Variants in FAM234A observed in about 807,000 individuals in gnomAD.
FAM234A encodes protein FAM234A.
Under a neutral mutation model 49.1 loss-of-function variants are expected in FAM234A, and 42 were observed. That is an observed-to-expected ratio of 0.86 (90% CI 0.67 to 1.11). The LOEUF is 1.11. FAM234A is among the 50% of genes least tolerant of loss of function. FAM234A has a pLI of 0.00. For synonymous variants in FAM234A, 369 were observed against 316.2 expected (o/e 1.17, Z -1.77); for missense variants, 815 against 745.2 (o/e 1.09, Z -1.09).
At chr16:266,962 C>T (rs898681694), downstream of FAM234A, among the ~76,000 whole-genome samples, 8 of 152,078 alleles carry the variant, frequency 5.3e-5, no homozygotes, top group South Asian at 8.3e-4. Context: ...GTGCCCCTGG[C>T]CATGGAGGGG....
In FAM234A at chr16:265,237, C is replaced by T. The variant is rs2141380332; in HGVS notation, c.*215C>T. 5 of 1,381,192 alleles carry T rather than the reference C, an allele frequency of 3.6e-6. No homozygotes were observed. Among genetic ancestry groups the T allele is most frequent in the Middle Eastern group, 2.7e-4 (1 of 3,750 alleles). 85.6% of individuals were successfully genotyped at this position (1,381,192 alleles called of 1,614,324 possible). A position where few individuals can be genotyped will look rare whatever the true frequency, so the allele number is the denominator to read the frequency against. Reference sequence around the variant, plus strand: ...CCTGGGCCTCTCTCCCGCCCAGCATCCTCCCTGAGTCCCCACACAGGGCCT... The same window carrying T: ...CCTGGGCCTCTCTCCCGCCCAGCATTCTCCCTGAGTCCCCACACAGGGCCT... On this transcript the variant is annotated 3_prime_UTR_variant, in exon 13 of 13. Transcript: ENST00000399932.
chr16:259,930 GATGGTGCAACAGTGAGGTGCCGGT>G lies in FAM234A; in HGVS notation c.386-38_386-15del. The G allele has an allele frequency of 3.2e-6, 5 of 1,585,038 alleles. No individual in the cohort carries two copies. The highest frequency in any genetic ancestry group is 4.3e-6 in the Non-Finnish European group (5 of 1,159,720). ...TGGGGCTGGCCGGCCTGCCTGCCCA[GATGGTGCAACAGTGAGGTGCCGGT>G]GTCTCTCCCTACAGGCTTTTCCTCT... On this transcript the variant is annotated splice_polypyrimidine_tract_variant and intron_variant, in intron 4 of 12. Transcript: ENST00000399932.
chr16:260,270 G>T, intron 5 of FAM234A, 110 bp downstream of exon 5: 3 of 1,048,804 alleles, frequency 2.9e-6, no homozygotes, highest in East Asian at 2.4e-5. Flanking sequence ...GTGATCTTGA[G>T]GGTGGCTGGA....
downstream of FAM234A, among the ~76,000 whole-genome samples, chr16:267,451 T>C (rs563985939): frequency 1.3e-3 from 194 of 151,966 alleles, 1 homozygote; most frequent in African/African-American, 4.5e-3. Context: ...GCACAATACA[T>C]TCACACATAT....
intron 3 of FAM234A, among the ~76,000 whole-genome samples, chr16:257,712 G>T (rs951617628): frequency 6.6e-6 from 1 of 152,118 alleles, no homozygotes; most frequent in East Asian, 1.9e-4. Context: ...CATGCTGGGC[G>T]CAGTGGCTCA....
downstream of FAM234A, among the ~76,000 whole-genome samples, chr16:266,985 T>C (rs2051710861): frequency 1.3e-5 from 2 of 152,040 alleles, no homozygotes; most frequent in Non-Finnish European, 2.9e-5. Flanking sequence ...GGCAGGGCCA[T>C]GAGCCCCACC....
At chr16:239,835 G>A (rs1385882041) in intron 1 of FAM234A, among the ~76,000 whole-genome samples, 1 of 152,172 alleles carries the variant, frequency 6.6e-6, no homozygotes, top group Non-Finnish European at 1.5e-5. Context: ...GCAAAGGAAA[G>A]GAACTTGTGT....
downstream of FAM234A, chr16:269,565 C>T (rs776533805): frequency 3.1e-6 from 5 of 1,613,394 alleles, no homozygotes; most frequent in East Asian, 2.2e-5. Flanking sequence ...TGTCAGACTT[C>T]AGGAACCTTG....
chr16:250,950 A>T (rs1366858664), intron 2 of FAM234A, among the ~76,000 whole-genome samples: 4 of 152,084 alleles, frequency 2.6e-5, no homozygotes, highest in Non-Finnish European at 5.9e-5. Flanking sequence ...TTATCCATTC[A>T]TATGTTTTGT....
chr16:236,170 A>G (rs77090617), intron 1 of FAM234A, among the ~76,000 whole-genome samples: 2 of 149,474 alleles, frequency 1.3e-5, no homozygotes, highest in Non-Finnish European at 3.0e-5. Context: ...TGGCCAGGCC[A>G]GTCTCAAACT....
In FAM234A at chr16:260,035, G is replaced by C; in HGVS notation, c.452G>C (p.Arg151Thr). 1 of 1,613,690 alleles carries C rather than the reference G, an allele frequency of 6.2e-7. No individual in the cohort carries two copies. The highest frequency in any genetic ancestry group is 8.5e-7 in the Non-Finnish European group (1 of 1,180,030). The change falls in exon 5 of 13, where the codon AGA (arginine) becomes ACA (threonine). Residue 151 changes from arginine (R) to threonine (T), a missense_variant. Arg to Thr is a moderately conservative substitution (Grantham distance 71, BLOSUM62 -1). Coordinates refer to ENST00000399932, the MANE Select transcript of FAM234A (RefSeq NM_032039.4). ...SGANGSTLWE[R>T]PVAQDVALVE... ...GCCAACGGCAGCACGCTCTGGGAGAGACCTGTGGCCCAAGACGTGGCCCTC... is the reference window on the plus strand; with the variant it reads ...GCCAACGGCAGCACGCTCTGGGAGACACCTGTGGCCCAAGACGTGGCCCTC...
At chr16:254,142 T>G (rs1467320475) in intron 2 of FAM234A, 1 of 470,218 alleles carries the variant, frequency 2.1e-6, no homozygotes, top group Non-Finnish European at 3.8e-6. Flanking sequence ...TGAAAATAGT[T>G]CCTGCCTGCT....
At chr16:257,028 C>T (rs977854325) in intron 3 of FAM234A, among the ~76,000 whole-genome samples, 5 of 152,066 alleles carry the variant, frequency 3.3e-5, no homozygotes, top group African/African-American at 1.2e-4. Context: ...AGGCACGTGC[C>T]ACCACGCTTG....
downstream of FAM234A, chr16:269,452 C>A (rs1399086976): frequency 6.3e-7 from 1 of 1,598,706 alleles, no homozygotes; most frequent in Admixed American, 1.7e-5. Context: ...TGCAGGGCCC[C>A]AGCAGCCCCC....
In FAM234A at chr16:255,046, G is replaced by A. The variant is rs150541949; in HGVS notation, c.268+365G>A. 9.0e-3 allele frequency among the ~76,000 whole-genome samples: 1,371 copies of A among 152,200 alleles called. 13 individuals carry two copies. Among genetic ancestry groups the A allele is most frequent in the Non-Finnish European group, 0.013 (852 of 68,016 alleles). On this transcript the variant is annotated intron_variant, in intron 3 of 12. Coordinates refer to ENST00000399932, the MANE Select transcript of FAM234A (RefSeq NM_032039.4). ...AATATTTGTATTTTTAGTAGAGACC[G>A]GGTTTCACCATGTTGGTCAGGGTGG...
downstream of FAM234A, among the ~76,000 whole-genome samples, chr16:267,546 TGCCTC>T (rs1251467175): frequency 5.9e-5 from 9 of 151,788 alleles, no homozygotes; most frequent in African/African-American, 2.2e-4. Flanking sequence ...CACACATGCA[TGCCTC>T]ACAGTACACC....
rs904695916 is a variant in FAM234A at position 264,132 on chromosome 16, C to A, written c.1305C>A (p.Phe435Leu). 1 of 1,608,984 alleles carries A rather than the reference C, an allele frequency of 6.2e-7. No homozygotes were observed. Among genetic ancestry groups the A allele is most frequent in the African/African-American group, 1.3e-5 (1 of 74,924 alleles). The change falls in exon 11 of 13, where the codon TTC becomes TTA. Residue 435 changes from phenylalanine (F) to leucine (L), a missense_variant. Transcript: ENST00000399932. ...LPTADHRSAFFFWGLHELGST... is the reference protein window; with the variant it reads ...LPTADHRSAFLFWGLHELGST... ...CCGCAGACCACCGCTCAGCCTTCTT[C>A]TTCTGGGGCCTCCACGAGCTGGGGA...
At chr16:251,321 C>T (rs1020646589) in intron 2 of FAM234A, among the ~76,000 whole-genome samples, 2 of 152,068 alleles carry the variant, frequency 1.3e-5, no homozygotes, top group African/African-American at 4.8e-5. Flanking sequence ...AATAATGAAC[C>T]AATATGAACA....
Position 254,439 on chromosome 16 carries a change from C to T in FAM234A, c.26C>T (p.Ala9Val). The T allele has an allele frequency of 6.2e-7, 1 of 1,614,076 alleles. No individual in the cohort carries two copies. Among genetic ancestry groups the T allele is most frequent in the Non-Finnish European group, 8.5e-7 (1 of 1,180,026 alleles). The change falls in exon 3 of 13, where the codon GCC becomes GTC. Residue 9 changes from alanine (A) to valine (V), a missense_variant. Coordinates refer to ENST00000399932, the MANE Select transcript of FAM234A (RefSeq NM_032039.4). MLDHKDLEAEIHPLKNEER... is the reference protein window; with the variant it reads MLDHKDLEVEIHPLKNEER... ...ATGTTGGACCACAAGGACTTAGAGGCCGAAATCCACCCCTTGAAAAATGAA... is the reference window on the plus strand; with the variant it reads ...ATGTTGGACCACAAGGACTTAGAGGTCGAAATCCACCCCTTGAAAAATGAA...
Sources: allele counts gnomAD v4.1 joint callset (sites outside exome capture counted in the v4.1 genomes callset), GRCh38; gene constraint gnomAD v4.1.1; transcripts MANE v1.5; gene names NCBI Gene and HGNC (gene_info 2026-07-23, HGNC 2026-07-21).